The following AUTS2 variants were observed in gnomAD, a reference collection of about 807,000 sequenced individuals.
AUTS2 encodes the protein activator of transcription and developmental regulator AUTS2, also known as autism susceptibility gene 2 protein.
A neutral mutation model predicts 112.4 loss-of-function variants in AUTS2; 17 were observed. That is an observed-to-expected ratio of 0.15 (90% confidence interval 0.10 to 0.23). The LOEUF (loss-of-function observed/expected upper bound fraction) is 0.23, where lower values mean the gene tolerates loss of function less well. Among genes scored for constraint, AUTS2 ranks in the 10% least tolerant of loss-of-function variants. The pLI is 1.00. For synonymous variants in AUTS2, 751 were observed against 702.7 expected, an observed-to-expected ratio of 1.07 and a Z score of -1.09; for missense variants, 1,510 against 1,701.6, an observed-to-expected ratio of 0.89 and a Z score of 1.98.
In AUTS2 at chr7:70,790,275, C is replaced by T. The variant is rs776239694; in HGVS notation, c.3059C>T (p.Ala1020Val). The T allele has an allele frequency of 3.1e-6, 5 of 1,613,252 alleles. No homozygotes were observed. In the African/African-American group the frequency reaches 4.0e-5, roughly 13 times the overall value. Residue 1020 changes from alanine to valine, a missense_variant, in exon 19 of 19, where the codon GCC becomes GTC. This residue lies in a region of AUTS2 where 788 missense variants were observed against 797.6 expected (regional missense o/e 0.99). Transcript: ENST00000342771. The surrounding 1 kb of genome is among the most constrained non-coding windows in gnomAD (Gnocchi z 7.6). Reference protein sequence around the residue: ...SSSSVHPGPLASMPMTVGVTG... With the variant: ...SSSSVHPGPLVSMPMTVGVTG... ...TCCAGCGTGCACCCGGGGCCCCTGGCCTCGATGCCCATGACGGTGGGGGTG... is the reference window on the plus strand; with the variant it reads ...TCCAGCGTGCACCCGGGGCCCCTGGTCTCGATGCCCATGACGGTGGGGGTG...
intron 4 of AUTS2, among the ~76,000 whole-genome samples, chr7:70,354,158 T>G (rs185435867): frequency 6.6e-6 from 1 of 152,360 alleles, no homozygotes; most frequent in Non-Finnish European, 1.5e-5. Context: ...TGTCTGGCTT[T>G]CCTTGTGGAG....
At chr7:70,072,899 G>A (rs1802843422) in intron 2 of AUTS2, among the ~76,000 whole-genome samples, 1 of 152,198 alleles carries the variant, frequency 6.6e-6, no homozygotes, top group East Asian at 1.9e-4. Flanking sequence ...TTAAATGTTA[G>A]AGTTTCATTC....
intron 1 of AUTS2, among the ~76,000 whole-genome samples, chr7:69,646,833 TCC>T (rs1268109820): frequency 6.6e-6 from 1 of 152,162 alleles, no homozygotes; most frequent in Admixed American, 6.5e-5. Flanking sequence ...ACGCCTGTAA[TCC>T]CAGCATCTTG....
At chr7:70,699,826 T>C (rs112015017) in intron 6 of AUTS2, among the ~76,000 whole-genome samples, 1,929 of 152,266 alleles carry the variant, frequency 0.013, 35 homozygotes, top group African/African-American at 0.044. Flanking sequence ...ACAGTACTCG[T>C]GTGTAAAAAT....
intron 4 of AUTS2, among the ~76,000 whole-genome samples, chr7:70,287,092 G>A (rs1042067440): frequency 3.9e-5 from 6 of 152,186 alleles, no homozygotes; most frequent in African/African-American, 1.4e-4. Context: ...TGGTTGCCTT[G>A]ATTTCTTCTA....
At chr7:70,213,672 G>A (rs997699423) in intron 4 of AUTS2, among the ~76,000 whole-genome samples, 1 of 152,164 alleles carries the variant, frequency 6.6e-6, no homozygotes, top group African/African-American at 2.4e-5. Flanking sequence ...ACTGGAATGA[G>A]CTCTAAAACG....
At chr7:70,651,414 G>A (rs1043979476) in intron 5 of AUTS2, among the ~76,000 whole-genome samples, 2 of 152,124 alleles carry the variant, frequency 1.3e-5, no homozygotes, top group Admixed American at 6.5e-5. Context: ...GTTACATCCC[G>A]ATAAACCCTT....
chr7:69,839,270 C>T (rs1791865956), intron 1 of AUTS2, among the ~76,000 whole-genome samples: 1 of 152,072 alleles, frequency 6.6e-6, no homozygotes, highest in African/African-American at 2.4e-5. Context: ...TCATTCTGGG[C>T]AGTACTTACC....
intron 6 of AUTS2, among the ~76,000 whole-genome samples, chr7:70,738,716 C>T (rs919084748): frequency 6.6e-6 from 1 of 152,030 alleles, no homozygotes; most frequent in African/African-American, 2.4e-5. Context: ...GAGGGGACCA[C>T]GTGAGTGTTA....
At chr7:70,618,623 C>A (rs973164095) in intron 5 of AUTS2, among the ~76,000 whole-genome samples, 1 of 152,170 alleles carries the variant, frequency 6.6e-6, no homozygotes, top group South Asian at 2.1e-4. Context: ...GCTGTTTCCC[C>A]AGCAAAGCAG....
chr7:69,906,446 G>A (rs1239635900), intron 2 of AUTS2, among the ~76,000 whole-genome samples: 4 of 152,230 alleles, frequency 2.6e-5, no homozygotes, highest in Admixed American at 1.3e-4. Context: ...GAACTGAGCA[G>A]ATGGTTGTGA....
chr7:70,564,782 T>C (rs1478914622), intron 5 of AUTS2, among the ~76,000 whole-genome samples: 5 of 152,160 alleles, frequency 3.3e-5, no homozygotes, highest in Non-Finnish European at 1.5e-5. Context: ...GAGGTTTTTT[T>C]AGTACGAGGA....
intron 1 of AUTS2, among the ~76,000 whole-genome samples, chr7:69,659,511 G>A (rs957239258): frequency 6.8e-5 from 10 of 146,044 alleles, no homozygotes; most frequent in Middle Eastern, 3.4e-3. Context: ...ATCAGGGGAT[G>A]GATACTTACA....
chr7:69,625,555 C>T (rs1163990068), intron 1 of AUTS2, among the ~76,000 whole-genome samples: 2 of 152,080 alleles, frequency 1.3e-5, no homozygotes, highest in East Asian at 3.9e-4. Context: ...AAAAACATGA[C>T]GGATTTCGAA....
intron 1 of AUTS2, among the ~76,000 whole-genome samples, chr7:69,724,180 A>G (rs777710297): frequency 2.6e-5 from 4 of 152,170 alleles, no homozygotes; most frequent in Non-Finnish European, 4.4e-5. Context: ...TCACATCCCC[A>G]TGGGGCGAGT....
intron 5 of AUTS2, among the ~76,000 whole-genome samples, chr7:70,641,444 C>G (rs1245648692): frequency 2.0e-5 from 3 of 151,984 alleles, no homozygotes; most frequent in African/African-American, 7.2e-5. Context: ...CCCAGCTACT[C>G]GGGAGACTGA....
intron 5 of AUTS2, among the ~76,000 whole-genome samples, chr7:70,497,010 GTCAGAC>G (rs1798570147): frequency 1.4e-5 from 1 of 73,790 alleles, no homozygotes; most frequent in Non-Finnish European, 2.6e-5. Context: ...CACGTACACA[GTCAGAC>G]ACACACACAC....
intron 2 of AUTS2, among the ~76,000 whole-genome samples, chr7:70,074,356 T>C (rs924942990): frequency 2.6e-5 from 4 of 152,206 alleles, no homozygotes; most frequent in African/African-American, 9.6e-5. Flanking sequence ...TTGGGTGTTA[T>C]CTTTTTTGTC....
intron 4 of AUTS2, among the ~76,000 whole-genome samples, chr7:70,302,957 T>TTC (rs2129613816): frequency 6.6e-6 from 1 of 151,826 alleles, no homozygotes; most frequent in East Asian, 1.9e-4. Flanking sequence ...AATATATCCT[T>TTC]TCTCTTTAAA....
Sources: allele counts gnomAD v4.1 joint callset (sites outside exome capture counted in the v4.1 genomes callset), GRCh38; gene constraint gnomAD v4.1.1; regional missense constraint gnomAD v4.1.1; non-coding constraint Gnocchi (gnomAD v3.1); transcripts MANE v1.5; gene names NCBI Gene and HGNC (gene_info 2026-07-23, HGNC 2026-07-21).